Variants in KMT2D observed in about 807,000 individuals in gnomAD.
KMT2D encodes lysine methyltransferase 2D, also known as histone-lysine N-methyltransferase 2D.
In KMT2D, 55 loss-of-function variants were observed where a neutral mutation model predicts 512.7. The observed-to-expected ratio is 0.11, with a 90% CI of 0.09 to 0.13. The LOEUF (loss-of-function observed/expected upper bound fraction) is 0.13. Ranked by LOEUF, KMT2D falls within the 10% of genes least tolerant of loss-of-function variation. KMT2D has a pLI of 1.00. For missense variants in KMT2D, 6,061 were observed against 7,127.9 expected (o/e 0.85, Z 5.39); for synonymous variants, 2,995 against 2,904.0 (o/e 1.03, Z -1.01).
In KMT2D at chr12:49,033,627, G is replaced by A. The variant is rs757421766; in HGVS notation, c.11078C>T (p.Ala3693Val). 7 of 1,613,712 alleles carry A rather than the reference G, an allele frequency of 4.3e-6. No homozygotes were observed. The highest frequency in any genetic ancestry group is 5.9e-6 in the Non-Finnish European group (7 of 1,179,874). Residue 3693 changes from alanine to valine, a missense_variant, in exon 40 of 55, where the codon GCT becomes GTT. Around this residue, in one of 16 missense-constraint regions of KMT2D, gnomAD observed 1,600 missense variants for 1,754.9 expected, o/e 0.91. Coordinates refer to ENST00000301067, the MANE Select transcript of KMT2D (RefSeq NM_003482.4). ...QQHSGGAGSLAGPSGGFFPGN... is the reference protein window; with the variant it reads ...QQHSGGAGSLVGPSGGFFPGN... ...AGGGAAGAAGCCCCCTGAAGGGCCA[G>A]CCAGGGATCCAGCCCCACCAGAATG...
Position 49,046,021 on chromosome 12 carries a change from A to G in KMT2D, c.4693+44T>C, listed in dbSNP as rs1480438436. ...CTGAGGTCCTGTCCCAAAGCAAGGT[A>G]CCCCTGCTCTGACTCCTCCCCCTAC... On this transcript the variant is annotated intron_variant, in intron 18 of 54. Transcript: ENST00000301067. This position sits in a 1 kb window ranked among gnomAD's most constrained non-coding sequence, Gnocchi z 4.2. 1 of 1,611,612 alleles carries G rather than the reference A, an allele frequency of 6.2e-7. No homozygotes were observed. Among genetic ancestry groups the G allele is most frequent in the South Asian group, 1.1e-5 (1 of 90,914 alleles).
Position 49,022,546 on chromosome 12 carries a change from G to T in KMT2D, c.16338+44C>A, listed in dbSNP as rs368133865. On this transcript the variant is annotated intron_variant, in intron 52 of 54. Transcript: ENST00000301067. This position sits in a 1 kb window ranked among gnomAD's most constrained non-coding sequence, Gnocchi z 8.6. ...CCAATCCTGCCCTTGCTCCTTGGTT[G>T]AGTGCAGACTATGCACCACAATGGC... 6.3e-7 allele frequency: 1 copy of T among 1,591,244 alleles called. No homozygotes were observed. The highest frequency in any genetic ancestry group is 1.1e-5 in the South Asian group (1 of 88,024).
Position 49,020,479 on chromosome 12 carries a change from C to G in KMT2D, c.*1301G>C. 1 of 195,848 alleles carries G rather than the reference C, an allele frequency of 5.1e-6. No homozygotes were observed. The highest frequency in any genetic ancestry group is 1.1e-5 in the Non-Finnish European group (1 of 94,272). 12.1% of individuals were successfully genotyped at this position (195,848 alleles called of 1,614,324 possible). ...TTAGTAGTTTTACATTTGCTCTCCC[C>G]GGGGGGTGGGGGGAGAGGGGAGGGT... On this transcript the variant is annotated 3_prime_UTR_variant, in exon 55 of 55. Coordinates refer to ENST00000301067, the MANE Select transcript of KMT2D (RefSeq NM_003482.4).
chr12:49,032,108 T>C lies in KMT2D; in HGVS notation c.12597A>G (p.Ala4199=). 1.9e-6 allele frequency: 3 copies of C among 1,613,854 alleles called. No homozygotes were observed. Among genetic ancestry groups the C allele is most frequent in the South Asian group, 1.1e-5 (1 of 91,088 alleles). The change falls in exon 40 of 55, where the codon GCA becomes GCG. Residue 4199 remains alanine (A), a synonymous_variant. Coordinates refer to ENST00000301067, the MANE Select transcript of KMT2D (RefSeq NM_003482.4). Reference sequence around the variant, plus strand: ...TTTTGGCCAGGACTCCTTGGAGCTGTGCTCGAAGCTGACCCACCGTAGGCA... The same window carrying C: ...TTTTGGCCAGGACTCCTTGGAGCTGCGCTCGAAGCTGACCCACCGTAGGCA... ...GIMPTVGQLR[A]QLQGVLAKNP...
rs2120733678 is a variant in KMT2D, at chr12:49,060,223, G to A, written c.-648C>T. Among the ~76,000 whole-genome samples, 1 of 152,012 alleles carries A rather than the reference G, an allele frequency of 6.6e-6. No homozygotes were observed. Among genetic ancestry groups the A allele is most frequent in the East Asian group, 1.9e-4 (1 of 5,140 alleles). The stretch of plus-strand genomic sequence containing the variant: ...ACCCAGCGCCGGGCTTCTCGACCCC[G>A]AGCGCTCACCCTCGGCGGCTTCGAG... On this transcript the variant is annotated 5_prime_UTR_variant, in exon 1 of 55. Coordinates refer to ENST00000301067, the MANE Select transcript of KMT2D (RefSeq NM_003482.4).
intron 1 of KMT2D, among the ~76,000 whole-genome samples, chr12:49,056,446 C>T (rs1363262100): frequency 1.3e-5 from 2 of 150,744 alleles, no homozygotes; most frequent in African/African-American, 2.4e-5. Flanking sequence ...GGGAATTAAG[C>T]ACAGTGGGAA....
Position 49,031,168 on chromosome 12 carries a change from T to C in KMT2D, c.13530+7A>G. The C allele has an allele frequency of 6.2e-7, 1 of 1,607,218 alleles. No homozygotes were observed. The highest frequency in any genetic ancestry group is 1.7e-4 in the Middle Eastern group (1 of 6,030). On this transcript the variant is annotated splice_region_variant and intron_variant, in intron 40 of 54. Transcript: ENST00000301067. ...TCTACCTGCTCCACTCTACTCAGAG[T>C]ACTCACCTCCTTGTTGCTGGGGGTA... is the stretch of plus-strand genomic sequence containing the variant.
chr12:49,042,543 T>C lies in KMT2D; in HGVS notation c.5867+18A>G, dbSNP rs1943590479. On this transcript the variant is annotated intron_variant, in intron 28 of 54. Transcript: ENST00000301067. The surrounding 1 kb of genome is among the most constrained non-coding windows in gnomAD (Gnocchi z 4.4). ...GGACAACGAGGACTGCCCACAAAGG[T>C]TACGCAGAGACACCAACCTAGAATC... 6.2e-7 allele frequency: 1 copy of C among 1,612,222 alleles called. No homozygotes were observed. The highest frequency in any genetic ancestry group is 8.5e-7 in the Non-Finnish European group (1 of 1,178,740).
rs1231575034 is a variant in KMT2D at position 49,039,451 on chromosome 12, G to A, written c.8213C>T (p.Pro2738Leu). ...TCTACCTACCTGTGTCCCAGCAAAG[G>A]GGGTCTGGCCTCGACTCAGCTGCTC... ...AFEQLSRGQT[P>L]FAGTQDKSSL... The change falls in exon 33 of 55, where the codon CCC becomes CTC. Residue 2738 changes from proline to leucine, a missense_variant. Coordinates refer to ENST00000301067, the MANE Select transcript of KMT2D (RefSeq NM_003482.4). This position sits in a 1 kb window ranked among gnomAD's most constrained non-coding sequence, Gnocchi z 5.0. 3.1e-6 allele frequency: 5 copies of A among 1,600,540 alleles called. No homozygotes were observed. In the Admixed American group the frequency reaches 8.5e-5, roughly 27 times the overall value.
chr12:49,040,897 C>T lies in KMT2D; in HGVS notation c.6873G>A (p.Glu2291=), dbSNP rs778096761. Residue 2291 remains glutamate (E), a synonymous_variant, in exon 32 of 55, where the codon GAG becomes GAA. Transcript: ENST00000301067. The part of the protein sequence containing the change: ...SRKALEVKKE[E]LGASSPSYGP... ...CATAGCTAGGAGAGGATGCCCCAAGCTCTTCCTTCTTCACCTCTAGGGCCT... is the reference window on the plus strand; with the variant it reads ...CATAGCTAGGAGAGGATGCCCCAAGTTCTTCCTTCTTCACCTCTAGGGCCT... The T allele has an allele frequency of 6.2e-7, 1 of 1,613,892 alleles. No homozygotes were observed. Among genetic ancestry groups the T allele is most frequent in the Admixed American group, 1.7e-5 (1 of 60,016 alleles).
Position 49,038,660 on chromosome 12 carries a change from C to T in KMT2D, c.8696G>A (p.Gly2899Asp), listed in dbSNP as rs1199766439. 4 of 1,612,942 alleles carry T rather than the reference C, an allele frequency of 2.5e-6. No homozygotes were observed. The highest frequency in any genetic ancestry group is 1.1e-5 in the South Asian group (1 of 91,074). The change falls in exon 35 of 55, where the codon GGC becomes GAC. Residue 2899 changes from glycine to aspartate, a missense_variant. Transcript: ENST00000301067. The surrounding 1 kb of genome is among the most constrained non-coding windows in gnomAD (Gnocchi z 5.7). ...GPGGTPFPGQ[G>D]PPQRPRFYPV... ...GTAAAAACGGGGTCTCTGAGGTGGG[C>T]CCTGACCAGGAAACGGAGTGCCCCC...
In KMT2D at chr12:49,050,505, A is replaced by AGGAGTGGCGAACACTGAGGAG. The variant is rs747798121; in HGVS notation, c.3062_3082dup (p.Pro1021_Leu1027dup). The AGGAGTGGCGAACACTGAGGAG allele has an allele frequency of 1.9e-6, 3 of 1,612,434 alleles. No individual in the cohort carries two copies. Among genetic ancestry groups the AGGAGTGGCGAACACTGAGGAG allele is most frequent in the South Asian group, 1.1e-5 (1 of 91,034 alleles). ...GTTTTGGGGAACCAGGGAATGCTGA[A>AGGAGTGGCGAACACTGAGGAG]GGAGTGGCGAACACTGAGGAGGAAG... On this transcript the variant is annotated inframe_insertion, in exon 12 of 55. Coordinates refer to ENST00000301067, the MANE Select transcript of KMT2D (RefSeq NM_003482.4).
chr12:49,023,142 G>A (rs1942407023), intron 51 of KMT2D, among the ~76,000 whole-genome samples: 1 of 151,882 alleles, frequency 6.6e-6, no homozygotes, highest in African/African-American at 2.4e-5. Context: ...GGAGATGGGG[G>A]GCACCAATTC....
intron 15 of KMT2D, among the ~76,000 whole-genome samples, chr12:49,047,406 CTTTTTTTTTTTTT>C (rs57252968): frequency 4.3e-5 from 4 of 93,882 alleles, no homozygotes; most frequent in African/African-American, 9.2e-5. Context: ...CCAGTTTTTC[CTTTTTTTTTTTTT>C]TTTTTTTTTT....
chr12:49,045,114 G>C, intron 19 of KMT2D, 149 bp from the exon 20 acceptor site: 1 of 707,040 alleles, frequency 1.4e-6, no homozygotes, highest in Non-Finnish European at 2.4e-6. Context: ...GGCCACCAAG[G>C]GGCACTGGCT....
In KMT2D at chr12:49,054,623, C is replaced by G. The variant is rs368471915; in HGVS notation, c.305G>C (p.Ser102Thr). The change falls in exon 4 of 55, where the codon AGC (serine) becomes ACC (threonine). Residue 102 changes from serine to threonine, a missense_variant. By Grantham distance (58) the Ser-to-Thr change is moderately conservative. Around this residue, in one of 16 missense-constraint regions of KMT2D, gnomAD observed 144 missense variants for 165.7 expected, o/e 0.87. Coordinates refer to ENST00000301067, the MANE Select transcript of KMT2D (RefSeq NM_003482.4). The surrounding 1 kb of genome is among the most constrained non-coding windows in gnomAD (Gnocchi z 6.4). ...CAGCACTGCCTCATTGGGCCCTGGG[C>G]TCCCCCCAGGGGACACCACTGGACA... ...PRCPVVSPGG[S>T]PGPNEAVLPS... 3 of 1,613,140 alleles carry G rather than the reference C, an allele frequency of 1.9e-6. No individual in the cohort carries two copies. Among genetic ancestry groups the G allele is most frequent in the Non-Finnish European group, 2.5e-6 (3 of 1,179,522 alleles).
In KMT2D at chr12:49,051,996, T is replaced by C. The variant is rs780055412; in HGVS notation, c.1687A>G (p.Thr563Ala). Reference protein sequence around the residue: ...PLSPPPEELPTSPPPEASRLS... With the variant: ...PLSPPPEELPASPPPEASRLS... ...CGAGATGCTTCAGGTGGCGGGGAAG[T>C]GGGCAATTCCTCAGGTGGCGGGGAC... is the stretch of plus-strand genomic sequence containing the variant. The change falls in exon 11 of 55, where the codon ACT becomes GCT. Residue 563 changes from threonine to alanine, a missense_variant. By Grantham distance (58) the Thr-to-Ala change is moderately conservative (BLOSUM62 0). Transcript: ENST00000301067. 4 of 1,601,252 alleles carry C rather than the reference T, an allele frequency of 2.5e-6. No individual in the cohort carries two copies. The highest frequency in any genetic ancestry group is 1.7e-4 in the Middle Eastern group (1 of 6,000).
intron 37 of KMT2D, 50 bp downstream of exon 37, chr12:49,034,532 G>C (rs758072258): frequency 1.2e-6 from 2 of 1,611,700 alleles, no homozygotes; most frequent in East Asian, 4.5e-5. Context: ...CCTAAGAAGG[G>C]TGGCCCAGTG....
Position 49,024,044 on chromosome 12 carries a change from C to T in KMT2D, c.16052+534G>A, listed in dbSNP as rs988894784. On this transcript the variant is annotated intron_variant, in intron 51 of 54. Coordinates refer to ENST00000301067, the MANE Select transcript of KMT2D (RefSeq NM_003482.4). This position sits in a 1 kb window ranked among gnomAD's most constrained non-coding sequence, Gnocchi z 4.5. Reference sequence around the variant, plus strand: ...GTAAAATGGGGGTCATACCACCTGCCCTACCTACCTCATAAGGTTGTTGTG... The same window carrying T: ...GTAAAATGGGGGTCATACCACCTGCTCTACCTACCTCATAAGGTTGTTGTG... The T allele has an allele frequency of 2.2e-6, 1 of 454,016 alleles. No homozygotes were observed. Among genetic ancestry groups the T allele is most frequent in the Non-Finnish European group, 4.4e-6 (1 of 226,374 alleles). The allele number at this position is 454,016 out of a possible 1,614,324, so 28.1% of individuals were successfully genotyped here.
Sources: gnomAD v4.1 joint callset for allele counts (sites outside exome capture counted in the v4.1 genomes callset) on GRCh38, gnomAD v4.1.1 for gene constraint, gnomAD v4.1.1 regional missense constraint, Gnocchi (gnomAD v3.1) non-coding constraint, MANE v1.5 for transcripts, NCBI Gene and HGNC (gene_info 2026-07-23, HGNC 2026-07-21) for gene names.